The following ATRNL1 variants were observed in gnomAD, a reference collection of about 807,000 sequenced individuals.
ATRNL1 encodes the protein attractin like 1.
In ATRNL1, 95 loss-of-function variants were observed where a neutral mutation model predicts 182.7. The observed-to-expected ratio is 0.52, with a 90% CI of 0.44 to 0.62. ATRNL1 has a LOEUF of 0.62. Among genes scored for constraint, ATRNL1 ranks in the 20% least tolerant of loss-of-function variants. The pLI is 0.00. For synonymous variants in ATRNL1, 576 were observed against 568.3 expected, an observed-to-expected ratio of 1.01 and a Z score of -0.19; for missense variants, 1,471 against 1,679.5, an observed-to-expected ratio of 0.88 and a Z score of 2.17.
intron 19 of ATRNL1, among the ~76,000 whole-genome samples, chr10:115,354,025 T>C (rs1246371152): frequency 1.3e-5 from 2 of 152,214 alleles, no homozygotes; most frequent in African/African-American, 4.8e-5. Flanking sequence ...CACACCACAA[T>C]TGTTGCACTA....
chr10:115,354,452 C>T (rs1856415047), intron 19 of ATRNL1, among the ~76,000 whole-genome samples: 1 of 151,994 alleles, frequency 6.6e-6, no homozygotes, highest in Admixed American at 6.6e-5. Flanking sequence ...GATATCTTTC[C>T]TGTATGCAGT....
At chr10:115,397,016 G>T (rs1239181649) in intron 20 of ATRNL1, among the ~76,000 whole-genome samples, 4 of 151,776 alleles carry the variant, frequency 2.6e-5, no homozygotes, top group Non-Finnish European at 4.4e-5. Flanking sequence ...GGTGGTATTT[G>T]TACACAGAAT....
At chr10:115,851,295 G>C (rs1440485052) in intron 28 of ATRNL1, among the ~76,000 whole-genome samples, 37 of 152,194 alleles carry the variant, frequency 2.4e-4, no homozygotes, top group Admixed American at 2.4e-3. Flanking sequence ...TTTCAACCCT[G>C]AAAATGAGTG....
At chr10:115,168,037 C>G (rs1847123538) in intron 7 of ATRNL1, among the ~76,000 whole-genome samples, 1 of 152,104 alleles carries the variant, frequency 6.6e-6, no homozygotes, top group African/African-American at 2.4e-5. Context: ...CTTTCTTTCT[C>G]TATATATTGG....
chr10:115,458,914 G>A (rs550017255), intron 21 of ATRNL1, among the ~76,000 whole-genome samples: 1 of 152,176 alleles, frequency 6.6e-6, no homozygotes, highest in African/African-American at 2.4e-5. Flanking sequence ...GGAAGTCAGG[G>A]ACCCCAAATG....
At chr10:115,389,665 G>GTACGACTA (rs1843920296) in intron 19 of ATRNL1, among the ~76,000 whole-genome samples, 1 of 146,964 alleles carries the variant, frequency 6.8e-6, no homozygotes, top group African/African-American at 2.5e-5. Flanking sequence ...GAACACAGGA[G>GTACGACTA]TACGACTATC....
intron 21 of ATRNL1, among the ~76,000 whole-genome samples, chr10:115,436,938 T>A (rs1846431509): frequency 6.6e-6 from 1 of 152,112 alleles, no homozygotes; most frequent in South Asian, 2.1e-4. Flanking sequence ...GTAAGAGCTC[T>A]GAATGAGAAT....
chr10:115,675,947 G>C (rs1945848549), intron 26 of ATRNL1, among the ~76,000 whole-genome samples: 2 of 152,094 alleles, frequency 1.3e-5, no homozygotes, highest in South Asian at 4.1e-4. Flanking sequence ...CCAGAGCTGT[G>C]CTGGCAATGC....
intron 1 of ATRNL1, among the ~76,000 whole-genome samples, chr10:115,101,751 G>A (rs1554864640): frequency 6.6e-6 from 1 of 152,116 alleles, no homozygotes; most frequent in Non-Finnish European, 1.5e-5. Flanking sequence ...TGCTGAAAGA[G>A]TTTTTAGGGA....
chr10:115,650,780 A>T (rs1555034117), intron 26 of ATRNL1, among the ~76,000 whole-genome samples: 1 of 151,954 alleles, frequency 6.6e-6, no homozygotes, highest in Non-Finnish European at 1.5e-5. Context: ...GAGCTTATGG[A>T]GTGTTGTGTT....
rs538059153 is a variant in ATRNL1 at position 115,744,948 on chromosome 10, A to G, written c.3903+17593A>G. On this transcript the variant is annotated intron_variant, in intron 27 of 28. Coordinates refer to ENST00000355044, the MANE Select transcript of ATRNL1 (RefSeq NM_207303.4). Reference sequence around the variant, plus strand: ...ATATATTATACAAATAAGAAGCCTCATTCATACTCCATCACTGTTTGTTCT... The same window carrying G: ...ATATATTATACAAATAAGAAGCCTCGTTCATACTCCATCACTGTTTGTTCT... 4.6e-5 allele frequency among the ~76,000 whole-genome samples: 7 copies of G among 152,234 alleles called. No individual in the cohort carries two copies. The South Asian group carries it at 1.5e-3, about 32-fold the overall frequency.
intron 8 of ATRNL1, among the ~76,000 whole-genome samples, chr10:115,204,704 A>T (rs980788107): frequency 6.6e-6 from 1 of 151,820 alleles, no homozygotes; most frequent in Admixed American, 6.6e-5. Flanking sequence ...TTTGTTGAAT[A>T]TTTTTCCTTC....
intron 27 of ATRNL1, among the ~76,000 whole-genome samples, chr10:115,757,568 C>T (rs1948623113): frequency 6.6e-6 from 1 of 152,128 alleles, no homozygotes; most frequent in African/African-American, 2.4e-5. Context: ...GTAACCCAAC[C>T]TTTCTCTTTG....
At chr10:115,655,876 C>G (rs1555035722) in intron 26 of ATRNL1, among the ~76,000 whole-genome samples, 1 of 152,030 alleles carries the variant, frequency 6.6e-6, no homozygotes, top group African/African-American at 2.4e-5. Context: ...TAATTTTATC[C>G]TTTGTCTACT....
intron 26 of ATRNL1, among the ~76,000 whole-genome samples, chr10:115,705,742 A>G (rs1946877600): frequency 6.6e-6 from 1 of 151,952 alleles, no homozygotes; most frequent in South Asian, 2.1e-4. Flanking sequence ...TTTGTAGAGT[A>G]AAATGCTTTC....
chr10:115,269,961 A>G (rs929050827), intron 13 of ATRNL1, among the ~76,000 whole-genome samples: 2 of 151,830 alleles, frequency 1.3e-5, no homozygotes, highest in East Asian at 1.9e-4. Flanking sequence ...TTTCATACAT[A>G]CTCTGTTGTT....
chr10:115,364,147 G>A (rs1362849327), intron 19 of ATRNL1, among the ~76,000 whole-genome samples: 47 of 142,856 alleles, frequency 3.3e-4, no homozygotes, highest in East Asian at 1.6e-3. Context: ...CTTCCTACCC[G>A]TGAGCATGGA....
intron 27 of ATRNL1, among the ~76,000 whole-genome samples, chr10:115,794,216 A>C (rs1325108413): frequency 1.3e-5 from 2 of 152,162 alleles, no homozygotes; most frequent in Non-Finnish European, 2.9e-5. Context: ...AATTTACAAA[A>C]AAGTATTTAC....
intron 28 of ATRNL1, among the ~76,000 whole-genome samples, chr10:115,929,153 TAAAC>T (rs1470270553): frequency 9.9e-5 from 15 of 152,124 alleles, no homozygotes; most frequent in South Asian, 4.1e-4. Context: ...ATTGACTAAA[TAAAC>T]AAAGTGTAGG....
Sources: gnomAD v4.1 joint callset for allele counts (sites outside exome capture counted in the v4.1 genomes callset) on GRCh38, gnomAD v4.1.1 for gene constraint, MANE v1.5 for transcripts, NCBI Gene and HGNC (gene_info 2026-07-23, HGNC 2026-07-21) for gene names.